The following OMA1 variants were observed in gnomAD, a reference collection of about 807,000 sequenced individuals.
The protein encoded by OMA1 is metalloendopeptidase OMA1, mitochondrial.
In OMA1, 38 loss-of-function variants were observed where a neutral mutation model predicts 30.9. The ratio of observed to expected loss-of-function variants is 1.23; its 90% CI spans 0.95 to 1.61. The LOEUF (loss-of-function observed/expected upper bound fraction) is 1.61, where lower values mean the gene tolerates loss of function less well. Ranked by LOEUF, OMA1 falls within the 40% of genes most tolerant of loss-of-function variation. The pLI is 0.00. For synonymous variants in OMA1, 173 were observed against 121.9 expected, an observed-to-expected ratio of 1.42 and a Z score of -2.76; for missense variants, 461 against 349.2, an observed-to-expected ratio of 1.32 and a Z score of -2.55.
intron 1 of OMA1, chr1:58,541,614 CAAAAAAA>C (rs60360589): frequency 1.5e-5 from 1 of 65,634 alleles, no homozygotes; most frequent in African/African-American, 5.9e-5. Context: ...GAGAACCTGT[CAAAAAAA>C]AAAAAAAAAA....
chr1:58,535,520 T>TG (rs1646502220), intron 3 of OMA1, among the ~76,000 whole-genome samples: 2 of 148,532 alleles, frequency 1.3e-5, no homozygotes, highest in Non-Finnish European at 3.0e-5. Flanking sequence ...AATTTGAACC[T>TG]GTAAGGTGGA....
chr1:58,487,020 C>A (rs776931048), intron 8 of OMA1, among the ~76,000 whole-genome samples: 39 of 152,074 alleles, frequency 2.6e-4, no homozygotes, highest in Non-Finnish European at 5.3e-4. Flanking sequence ...GGGTTTTAAC[C>A]AAGGAAAGGA....
At chr1:58,519,135 A>G (rs1646220208) in intron 7 of OMA1, among the ~76,000 whole-genome samples, 1 of 152,236 alleles carries the variant, frequency 6.6e-6, no homozygotes, top group Non-Finnish European at 1.5e-5. Context: ...GTTGAGGTAT[A>G]AGGGTCATAA....
chr1:58,485,228 TAAAAAAAAAAAAAAAAA>T (rs71043289), intron 8 of OMA1, among the ~76,000 whole-genome samples: 1 of 42,036 alleles, frequency 2.4e-5, no homozygotes, highest in Non-Finnish European at 4.1e-5. Context: ...AGTCTACTAC[TAAAAAAAAAAAAAAAAA>T]AAAAAAAAAA....
chr1:58,541,064 C>T (rs1646601111), intron 1 of OMA1, among the ~76,000 whole-genome samples: 1 of 151,848 alleles, frequency 6.6e-6, no homozygotes, highest in Non-Finnish European at 1.5e-5. Context: ...AATCCCAGCA[C>T]TTTGGGAGGC....
chr1:58,506,975 G>T (rs189062092), intron 7 of OMA1, among the ~76,000 whole-genome samples: 1 of 151,910 alleles, frequency 6.6e-6, no homozygotes, highest in East Asian at 1.9e-4. Flanking sequence ...ATACTCATAC[G>T]TATATACTTG....
intron 8 of OMA1, among the ~76,000 whole-genome samples, chr1:58,492,832 G>C (rs1645722417): frequency 6.6e-6 from 1 of 152,192 alleles, no homozygotes; most frequent in South Asian, 2.1e-4. Flanking sequence ...AATTCTACCA[G>C]AGGTACAAGA....
At chr1:58,482,318 A>C (rs1365266023) in intron 8 of OMA1, among the ~76,000 whole-genome samples, 1 of 152,172 alleles carries the variant, frequency 6.6e-6, no homozygotes, top group Non-Finnish European at 1.5e-5. Flanking sequence ...GAAATACTAA[A>C]AGAATCGTCC....
At chr1:58,542,182 C>T (rs1307422288) in intron 1 of OMA1, among the ~76,000 whole-genome samples, 1 of 152,134 alleles carries the variant, frequency 6.6e-6, no homozygotes, top group African/African-American at 2.4e-5. Context: ...TGAAATACAA[C>T]CAATTTTAAA....
intron 7 of OMA1, among the ~76,000 whole-genome samples, chr1:58,518,698 T>C (rs1271477474): frequency 2.0e-5 from 3 of 151,892 alleles, no homozygotes; most frequent in African/African-American, 7.3e-5. Flanking sequence ...AGTATATTCA[T>C]TGGGAAAAGG....
intron 1 of OMA1, among the ~76,000 whole-genome samples, chr1:58,543,041 A>C (rs1313992504): frequency 1.3e-5 from 2 of 152,156 alleles, no homozygotes; most frequent in Non-Finnish European, 2.9e-5. Flanking sequence ...TTAAGTGTAG[A>C]CAGAAGATAA....
chr1:58,512,519 C>G lies in OMA1; in HGVS notation c.1216-6310G>C, dbSNP rs564513160. Reference sequence around the variant, plus strand: ...ACCTGAATGTTCATCAGCGAATGAACAGATTAAGAAAATGTGGTATAAACA... The same window carrying G: ...ACCTGAATGTTCATCAGCGAATGAAGAGATTAAGAAAATGTGGTATAAACA... On this transcript the variant is annotated intron_variant, in intron 7 of 8. Coordinates refer to ENST00000371226, the MANE Select transcript of OMA1 (RefSeq NM_145243.5). 9.2e-5 allele frequency among the ~76,000 whole-genome samples: 14 copies of G among 152,186 alleles called. No homozygotes were observed. The South Asian group carries it at 2.1e-3, about 23-fold the overall frequency.
intron 8 of OMA1, among the ~76,000 whole-genome samples, chr1:58,495,266 T>C (rs543475777): frequency 6.6e-6 from 1 of 152,040 alleles, no homozygotes; most frequent in African/African-American, 2.4e-5. Flanking sequence ...CAGGGGTCTG[T>C]TGTGGGGTGG....
At chr1:58,512,725 T>C (rs6656025) in intron 7 of OMA1, among the ~76,000 whole-genome samples, 88,635 of 152,016 alleles carry the variant, frequency 0.58, 28,047 homozygotes, top group East Asian at 0.82. Flanking sequence ...GAGAATAGAA[T>C]AGTGTTTGTC....
chr1:58,481,178 T>C lies in OMA1; in HGVS notation c.1366-4A>G. On this transcript the variant is annotated splice_region_variant and splice_polypyrimidine_tract_variant and intron_variant, in intron 8 of 8. Transcript: ENST00000371226. ...ACATCTCTCTAATTTTGAGAGCCTA[T>C]AAAGAAATAATAAAATAAAAAAATA... The C allele has an allele frequency of 2.5e-6, 2 of 808,688 alleles. No individual in the cohort carries two copies. The highest frequency in any genetic ancestry group is 4.2e-6 in the Non-Finnish European group (2 of 475,142). The allele number at this position is 808,688 out of a possible 1,614,324, so 50.1% of individuals were successfully genotyped here.
chr1:58,545,374 A>C (rs1012288100), intron 1 of OMA1, among the ~76,000 whole-genome samples: 1 of 152,190 alleles, frequency 6.6e-6, no homozygotes, highest in African/African-American at 2.4e-5. Context: ...ACTGACAACC[A>C]AGTGTCGTTT....
chr1:58,496,169 C>CTTTTTTTT (rs375006213), intron 8 of OMA1, among the ~76,000 whole-genome samples: 2 of 144,928 alleles, frequency 1.4e-5, no homozygotes, highest in East Asian at 4.3e-4. Context: ...TTTTTTTAGA[C>CTTTTTTTT]TTTTTTTTTT....
chr1:58,505,081 T>C (rs905449543), intron 8 of OMA1, among the ~76,000 whole-genome samples: 2 of 152,008 alleles, frequency 1.3e-5, no homozygotes, highest in Admixed American at 6.6e-5. Context: ...ATCTCCCGAG[T>C]AGCTGGGATT....
chr1:58,527,252 A>C lies in OMA1; in HGVS notation c.1215+9T>G. Reference sequence around the variant, plus strand: ...GGCATTATGTATTCTCAACTACTAAACACTTTACCTTTGCAGCAAGCAGTA... The same window carrying C: ...GGCATTATGTATTCTCAACTACTAACCACTTTACCTTTGCAGCAAGCAGTA... On this transcript the variant is annotated intron_variant, in intron 7 of 8. Coordinates refer to ENST00000371226, the MANE Select transcript of OMA1 (RefSeq NM_145243.5). The C allele has an allele frequency of 1.1e-6, 1 of 872,104 alleles. No individual in the cohort carries two copies. The highest frequency in any genetic ancestry group is 2.0e-6 in the Non-Finnish European group (1 of 501,092). The allele number at this position is 872,104 out of a possible 1,614,324, so 54.0% of individuals were successfully genotyped here. A position where few individuals can be genotyped will look rare whatever the true frequency, so the allele number is the denominator to read the frequency against.
Sources: gnomAD v4.1 joint callset for allele counts (sites outside exome capture counted in the v4.1 genomes callset) on GRCh38, gnomAD v4.1.1 for gene constraint, MANE v1.5 for transcripts, NCBI Gene and HGNC (gene_info 2026-07-23, HGNC 2026-07-21) for gene names.